ANK3: variants seen among roughly 807,000 people sequenced by gnomAD.
ANK3 encodes the protein ankyrin-3.
In ANK3, 57 loss-of-function variants were observed where a neutral mutation model predicts 370.9. That is an observed-to-expected ratio of 0.15 (90% CI 0.12 to 0.19). The LOEUF (loss-of-function observed/expected upper bound fraction) is 0.19. Among genes scored for constraint, ANK3 ranks in the 10% least tolerant of loss-of-function variants. The pLI is 1.00. For missense variants in ANK3, 4,439 were observed against 5,302.1 expected (o/e 0.84, Z 5.06); for synonymous variants, 1,929 against 1,946.3 (o/e 0.99, Z 0.23).
chr10:60,152,688 C>T (rs2132253633), intron 23 of ANK3, among the ~76,000 whole-genome samples: 1 of 152,178 alleles, frequency 6.6e-6, no homozygotes, highest in South Asian at 2.1e-4. Flanking sequence ...CAAAATACGG[C>T]AACCACACAG....
At chr10:60,415,073 A>G (rs2063633741) in intron 2 of ANK3, among the ~76,000 whole-genome samples, 1 of 152,144 alleles carries the variant, frequency 6.6e-6, no homozygotes, top group Non-Finnish European at 1.5e-5. Flanking sequence ...TATTGAAGGG[A>G]GGCAGCAGGA....
chr10:60,464,153 C>T (rs533820097), intron 2 of ANK3, among the ~76,000 whole-genome samples: 1 of 152,240 alleles, frequency 6.6e-6, no homozygotes, highest in African/African-American at 2.4e-5. Flanking sequence ...GATAAGGGTG[C>T]TAATCGGTGC....
At chr10:60,632,574 C>T (rs1449902448) in intron 1 of ANK3, among the ~76,000 whole-genome samples, 1 of 152,082 alleles carries the variant, frequency 6.6e-6, no homozygotes, top group African/African-American at 2.4e-5. Context: ...CACACTGAGA[C>T]CCTGTCTTTA....
chr10:60,639,952 C>A (rs2078607695), intron 1 of ANK3, among the ~76,000 whole-genome samples: 1 of 151,804 alleles, frequency 6.6e-6, no homozygotes, highest in South Asian at 2.1e-4. Context: ...CACCTATATG[C>A]CTTCTATGAG....
At chr10:60,424,183 T>C (rs2132958958) in intron 2 of ANK3, among the ~76,000 whole-genome samples, 1 of 152,138 alleles carries the variant, frequency 6.6e-6, no homozygotes, top group South Asian at 2.1e-4. Context: ...ATCCTGGTTT[T>C]GGCCAGCACA....
intron 42 of ANK3, among the ~76,000 whole-genome samples, chr10:60,049,615 C>A (rs1048551863): frequency 6.6e-6 from 1 of 152,088 alleles, no homozygotes; most frequent in Non-Finnish European, 1.5e-5. Context: ...AGAATACGGA[C>A]TCCCCTGTTT....
intron 2 of ANK3, among the ~76,000 whole-genome samples, chr10:60,502,171 G>A (rs980368753): frequency 3.9e-5 from 6 of 152,184 alleles, no homozygotes; most frequent in Non-Finnish European, 8.8e-5. Flanking sequence ...AGAATGAATT[G>A]ATGGTAGCCT....
chr10:60,237,675 A>C (rs1208212108), intron 7 of ANK3, among the ~76,000 whole-genome samples: 2 of 151,872 alleles, frequency 1.3e-5, no homozygotes, highest in Non-Finnish European at 2.9e-5. Context: ...TGTGCAGGTT[A>C]GTTACATAGG....
At chr10:60,502,692 AGAAGGAGGGAGG>A (rs1173691339) in intron 2 of ANK3, among the ~76,000 whole-genome samples, 1 of 150,692 alleles carries the variant, frequency 6.6e-6, no homozygotes, top group Non-Finnish European at 1.5e-5. Flanking sequence ...CCCTGTAGGA[AGAAGGAGGGAGG>A]GAAGGAGGGA....
At position 60,725,905 on chromosome 10, in the gene ANK3, G is replaced by A. The variant is rs145329557; in HGVS notation, c.57+7358C>T. Among the ~76,000 whole-genome samples, 29 of 152,126 alleles carry A rather than the reference G, an allele frequency of 1.9e-4. No individual in the cohort carries two copies. In the East Asian group the frequency reaches 5.4e-3, roughly 28 times the overall value. ...CAGAATGGGGAAAGTAATTTTTCTT[G>A]TTTACTCATCTATGCATTTATTTCA... On this transcript the variant is annotated intron_variant, in intron 1 of 43. Coordinates refer to the ANK3 transcript ENST00000373827.
intron 1 of ANK3, among the ~76,000 whole-genome samples, chr10:60,704,758 G>A (rs1458455432): frequency 1.3e-5 from 2 of 152,150 alleles, no homozygotes; most frequent in African/African-American, 4.8e-5. Context: ...GGGTTAGCCA[G>A]TAATTTTCCT....
chr10:60,713,892 T>G (rs2079745295), intron 1 of ANK3, among the ~76,000 whole-genome samples: 1 of 148,098 alleles, frequency 6.8e-6, no homozygotes, highest in Non-Finnish European at 1.5e-5. Context: ...AAAAGAAAAA[T>G]TACAACAGAA....
At chr10:60,179,610 T>C (rs1473619090) in intron 18 of ANK3, among the ~76,000 whole-genome samples, 1 of 151,764 alleles carries the variant, frequency 6.6e-6, no homozygotes, top group Non-Finnish European at 1.5e-5. Flanking sequence ...TGGGATTGCT[T>C]GAATCCGGGA....
At chr10:60,319,479 T>G (rs1478300780) in intron 1 of ANK3, among the ~76,000 whole-genome samples, 1 of 152,142 alleles carries the variant, frequency 6.6e-6, no homozygotes, top group Admixed American at 6.6e-5. Flanking sequence ...AACAACTGGA[T>G]AGTAAGATAG....
At chr10:60,464,491 C>A (rs572004739) in intron 2 of ANK3, among the ~76,000 whole-genome samples, 8 of 140,340 alleles carry the variant, frequency 5.7e-5, no homozygotes, top group Admixed American at 1.4e-4. Context: ...TAGGCTGTCT[C>A]TATAAGAACA....
intron 2 of ANK3, among the ~76,000 whole-genome samples, chr10:60,475,917 G>A (rs770990011): frequency 1.3e-4 from 20 of 152,078 alleles, no homozygotes; most frequent in African/African-American, 3.6e-4. Context: ...CTAAAGCAGC[G>A]CTTTAAAAGT....
chr10:60,157,692 T>C (rs772243196), intron 23 of ANK3, among the ~76,000 whole-genome samples: 3 of 151,760 alleles, frequency 2.0e-5, no homozygotes, highest in African/African-American at 7.3e-5. Flanking sequence ...AGTTTCTCAA[T>C]AGCAGAATGG....
intron 2 of ANK3, among the ~76,000 whole-genome samples, chr10:60,552,661 G>C (rs2057661045): frequency 6.6e-6 from 1 of 152,184 alleles, no homozygotes; most frequent in Non-Finnish European, 1.5e-5. Flanking sequence ...TAGTAATAAA[G>C]TGTAAATAAC....
chr10:60,176,995 G>A (rs2095983409), intron 18 of ANK3, among the ~76,000 whole-genome samples: 1 of 151,964 alleles, frequency 6.6e-6, no homozygotes, highest in African/African-American at 2.4e-5. Flanking sequence ...CACTGTTCCA[G>A]CTCATCCTCC....
Sources: allele counts gnomAD v4.1 joint callset (sites outside exome capture counted in the v4.1 genomes callset), GRCh38; gene constraint gnomAD v4.1.1; transcripts MANE v1.5; gene names NCBI Gene and HGNC (gene_info 2026-07-23, HGNC 2026-07-21).